LARP4B: variants seen among roughly 807,000 people sequenced by gnomAD.
LARP4B encodes la-related protein 4B.
Under a neutral mutation model 89.8 loss-of-function variants are expected in LARP4B, and 12 were observed. The ratio of observed to expected loss-of-function variants is 0.13; its 90% CI spans 0.09 to 0.22. LARP4B has a LOEUF of 0.22. Among genes scored for constraint, LARP4B ranks in the 10% least tolerant of loss-of-function variants. The pLI is 1.00. For synonymous variants in LARP4B, 367 were observed against 363.3 expected (o/e 1.01, Z -0.12); for missense variants, 757 against 947.7 (o/e 0.80, Z 2.64).
At chr10:815,309 C>T in intron 15 of LARP4B, 4 of 350,834 alleles carry the variant, frequency 1.1e-5, no homozygotes, top group Non-Finnish European at 5.1e-6. Context: ...CCCTTATCTC[C>T]TCTCCCGCAA....
the LARP4B span, among the ~76,000 whole-genome samples, chr10:963,099 TC>T: frequency 6.6e-6 from 1 of 152,166 alleles, no homozygotes; most frequent in Non-Finnish European, 1.5e-5. Context: ...TTCTCCTTCC[TC>T]CAGCCTGTGG....
chr10:958,077 G>A, the LARP4B span, among the ~76,000 whole-genome samples: 13 of 152,166 alleles, frequency 8.5e-5, no homozygotes, highest in Non-Finnish European at 1.9e-4. Flanking sequence ...GATTACAGGC[G>A]TGAGCCACGA....
intron 6 of LARP4B, 133 bp downstream of exon 6, chr10:844,844 A>G (rs2131740570): frequency 1.7e-6 from 1 of 572,584 alleles, no homozygotes; most frequent in South Asian, 2.9e-5. Flanking sequence ...ATTACTCAAT[A>G]TTCCACGTCT....
At chr10:895,251 TAAGTAA>T (rs887511996) in intron 1 of LARP4B, among the ~76,000 whole-genome samples, 3 of 151,958 alleles carry the variant, frequency 2.0e-5, no homozygotes, top group Non-Finnish European at 4.4e-5. Context: ...TCCACAATAA[TAAGTAA>T]AAGAAAACCT....
the LARP4B span, among the ~76,000 whole-genome samples, chr10:947,684 C>T: frequency 6.6e-6 from 1 of 152,112 alleles, no homozygotes; most frequent in African/African-American, 2.4e-5. Context: ...TGCAAGGGCG[C>T]AATCTCGGCT....
intron 15 of LARP4B, 111 bp from the exon 16 acceptor site, chr10:815,181 A>G (rs1380040816): frequency 2.3e-6 from 3 of 1,312,138 alleles, no homozygotes; most frequent in Non-Finnish European, 3.0e-6. Context: ...GCACAAGGAC[A>G]TAGGGGAAGA....
At chr10:837,349 C>A (rs572189715) in intron 7 of LARP4B, among the ~76,000 whole-genome samples, 1 of 152,310 alleles carries the variant, frequency 6.6e-6, no homozygotes, top group African/African-American at 2.4e-5. Flanking sequence ...AAGACATATT[C>A]TGTGCTTGTG....
chr10:873,997 C>T (rs1018221978), intron 3 of LARP4B, among the ~76,000 whole-genome samples: 25 of 152,210 alleles, frequency 1.6e-4, no homozygotes, highest in African/African-American at 5.1e-4. Flanking sequence ...TTTGGGAGGC[C>T]GAGGTGGGTG....
At chr10:821,194 C>A (rs894260521) in intron 13 of LARP4B, among the ~76,000 whole-genome samples, 1 of 152,208 alleles carries the variant, frequency 6.6e-6, no homozygotes, top group South Asian at 2.1e-4. Flanking sequence ...TGAGACTGAG[C>A]TCCATCAATG....
intron 5 of LARP4B, among the ~76,000 whole-genome samples, chr10:861,013 G>A (rs552695298): frequency 4.6e-5 from 7 of 152,244 alleles, no homozygotes; most frequent in East Asian, 1.9e-4. Context: ...ACAATTAGCC[G>A]GGTGTGGTGG....
At chr10:905,184 T>C (rs546494212) in intron 1 of LARP4B, among the ~76,000 whole-genome samples, 4 of 152,342 alleles carry the variant, frequency 2.6e-5, no homozygotes, top group African/African-American at 9.6e-5. Context: ...GTTATAAAAA[T>C]GTCTTCCTCA....
At position 814,646 on chromosome 10, in the gene LARP4B, T is replaced by C; in HGVS notation, c.1929+96A>G. On this transcript the variant is annotated intron_variant, in intron 17 of 17. Transcript: ENST00000316157. The surrounding 1 kb of genome is among the most constrained non-coding windows in gnomAD (Gnocchi z 4.4). The stretch of plus-strand genomic sequence containing the variant: ...GCAAATAAAAACCCACCAAATTAGA[T>C]GTGATTAAAAAACGAGCAGGTGCAG... 1 of 1,551,012 alleles carries C rather than the reference T, an allele frequency of 6.4e-7. No individual in the cohort carries two copies. Among genetic ancestry groups the C allele is most frequent in the Non-Finnish European group, 8.7e-7 (1 of 1,146,888 alleles).
chr10:945,564 T>C, the LARP4B span, among the ~76,000 whole-genome samples: 1 of 151,770 alleles, frequency 6.6e-6, no homozygotes. Flanking sequence ...GGCGGGCGCC[T>C]GTAGTCCCAG....
At chr10:828,524 G>C (rs1832736731) in intron 11 of LARP4B, among the ~76,000 whole-genome samples, 1 of 152,122 alleles carries the variant, frequency 6.6e-6, no homozygotes, top group African/African-American at 2.4e-5. Flanking sequence ...CTGCACATCA[G>C]GGTGCCTGGC....
chr10:937,027 A>T, the LARP4B span, among the ~76,000 whole-genome samples: 3 of 152,140 alleles, frequency 2.0e-5, no homozygotes, highest in Non-Finnish European at 2.9e-5. Flanking sequence ...GCTGATTAAT[A>T]TATGAAGAAG....
chr10:829,325 T>C, intron 11 of LARP4B, 60 bp downstream of exon 11: 1 of 1,376,088 alleles, frequency 7.3e-7, no homozygotes, highest in Non-Finnish European at 9.8e-7. Flanking sequence ...AGGATTTTAA[T>C]CCTTCAAATT....
In LARP4B at chr10:812,998, G is replaced by GC. The variant is rs746716816; in HGVS notation, c.2144dup (p.Arg716ProfsTer60). ...TCCCCATGGCCGAGGGCGAGGGCCG[G>GC]CCCCCCGCCGGCCGCCTCTGGTCTC... On this transcript the variant is annotated frameshift_variant, in exon 18 of 18. Transcript: ENST00000316157. LOFTEE classifies it high-confidence loss of function. 1 of 1,591,082 alleles carries GC rather than the reference G, an allele frequency of 6.3e-7. No homozygotes were observed.
intron 5 of LARP4B, among the ~76,000 whole-genome samples, chr10:860,820 G>GAA (rs530986886): frequency 1.1e-4 from 16 of 151,272 alleles, no homozygotes; most frequent in African/African-American, 3.9e-4. Context: ...TTTTTAAAGA[G>GAA]AAAAAAAATC....
chr10:835,667 T>C (rs554418075), intron 8 of LARP4B, among the ~76,000 whole-genome samples: 2 of 152,332 alleles, frequency 1.3e-5, no homozygotes, highest in East Asian at 1.9e-4. Context: ...ACTTTTAAGC[T>C]ATCAGATACT....
Sources: gnomAD v4.1 joint callset for allele counts (sites outside exome capture counted in the v4.1 genomes callset) on GRCh38, gnomAD v4.1.1 for gene constraint, Gnocchi (gnomAD v3.1) non-coding constraint, MANE v1.5 for transcripts, NCBI Gene and HGNC (gene_info 2026-07-23, HGNC 2026-07-21) for gene names.